The following CNGB1 variants were observed in gnomAD, a reference collection of about 807,000 sequenced individuals.
CNGB1 encodes cyclic nucleotide gated channel subunit beta 1.
In CNGB1, 126 loss-of-function variants were observed where a neutral mutation model predicts 151.7. The observed-to-expected ratio is 0.83, with a 90% CI of 0.72 to 0.96. CNGB1 has a LOEUF of 0.96. Ranked by LOEUF, CNGB1 falls within the 40% of genes least tolerant of loss-of-function variation. The pLI, the probability that CNGB1 is intolerant of heterozygous loss-of-function variation, is 0.00. For synonymous variants in CNGB1, 623 were observed against 635.1 expected, an observed-to-expected ratio of 0.98 and a Z score of 0.29; for missense variants, 1,698 against 1,627.0, an observed-to-expected ratio of 1.04 and a Z score of -0.75.
chr16:57,920,131 G>C (rs1221686746), intron 19 of CNGB1, among the ~76,000 whole-genome samples: 1 of 152,188 alleles, frequency 6.6e-6, no homozygotes, highest in African/African-American at 2.4e-5. Context: ...GGGACAGAAG[G>C]GTCAAGGAAG....
intron 29 of CNGB1, 123 bp from the exon 30 acceptor site, chr16:57,898,037 G>T: frequency 2.1e-6 from 2 of 941,894 alleles, no homozygotes; most frequent in South Asian, 1.3e-5. Context: ...GTCCAGCCCT[G>T]CCACCACAAC....
chr16:57,956,917 C>A (rs959567497), intron 12 of CNGB1, among the ~76,000 whole-genome samples: 1 of 152,208 alleles, frequency 6.6e-6, no homozygotes, highest in African/African-American at 2.4e-5. Context: ...CCCTCCAGCT[C>A]AAGGGAGCTG....
chr16:57,917,649 CAT>C (rs1491217046), intron 20 of CNGB1, among the ~76,000 whole-genome samples, 173 bp from the exon 21 acceptor site: 25 of 146,600 alleles, frequency 1.7e-4, no homozygotes, highest in Middle Eastern at 3.6e-3. Flanking sequence ...CACACACACA[CAT>C]ACACACACAC....
intron 16 of CNGB1, among the ~76,000 whole-genome samples, chr16:57,934,388 C>T (rs571665099): frequency 2.6e-4 from 39 of 152,052 alleles, no homozygotes; most frequent in African/African-American, 8.0e-4. Flanking sequence ...GAGTCAAGAT[C>T]GCGCCTACTA....
chr16:57,951,302 C>T (rs978677241), intron 12 of CNGB1, among the ~76,000 whole-genome samples: 10 of 152,042 alleles, frequency 6.6e-5, no homozygotes, highest in Non-Finnish European at 1.2e-4. Context: ...AGGTGTCCCC[C>T]GAAAGCTCCA....
In CNGB1 at chr16:57,939,598, GAGAATA is replaced by G; in HGVS notation, c.1210-12_1210-7del. Reference sequence around the variant, plus strand: ...CCAACTTCCTCCCACAGCTTCTGCAGAGAATAAAGTGAAAACAGAAACTGTGACCAT... The same window carrying G: ...CCAACTTCCTCCCACAGCTTCTGCAGAAGTGAAAACAGAAACTGTGACCAT... On this transcript the variant is annotated splice_region_variant and splice_polypyrimidine_tract_variant and intron_variant, in intron 15 of 32. Transcript: ENST00000251102. 1 of 1,614,168 alleles carries G rather than the reference GAGAATA, an allele frequency of 6.2e-7. No homozygotes were observed. The highest frequency in any genetic ancestry group is 8.5e-7 in the Non-Finnish European group (1 of 1,180,036).
rs1461377929 is a variant in CNGB1, at chr16:57,888,039, T to C, written c.3278A>G (p.Glu1093Gly). The C allele has an allele frequency of 1.2e-6, 2 of 1,614,070 alleles. No individual in the cohort carries two copies. Among genetic ancestry groups the C allele is most frequent in the Middle Eastern group, 1.6e-4 (1 of 6,062 alleles). Residue 1093 changes from glutamate to glycine, a missense_variant, in exon 32 of 33, where the codon GAG becomes GGG. Coordinates refer to ENST00000251102, the MANE Select transcript of CNGB1 (RefSeq NM_001297.5). The part of the protein sequence containing the change: ...MLRSNNKPKE[E>G]KSVLILPPRA... ...GGGTGGAAGGATCAGCACGCTCTTC[T>C]CCTCCTTGGGCTTATTGTTGCTTCT...
At chr16:57,923,470 G>A (rs1333516221) in intron 17 of CNGB1, 90 bp from the exon 18 acceptor site, 13 of 1,066,200 alleles carry the variant, frequency 1.2e-5, no homozygotes, top group Middle Eastern at 2.3e-4. Flanking sequence ...AGATCATCTA[G>A]AGCCAATTCC....
At chr16:57,957,224 CCT>C (rs1438520613) in intron 12 of CNGB1, 115 bp downstream of exon 12, 4 of 968,716 alleles carry the variant, frequency 4.1e-6, no homozygotes, top group Non-Finnish European at 6.7e-6. Flanking sequence ...TAACTGCCCC[CCT>C]GTGTGAGTCC....
Position 57,962,992 on chromosome 16 carries a change from G to A in CNGB1, c.363C>T (p.Ile121=). ...EKVIPQPVHS[I]TEDPAQILGH... is the part of the protein sequence containing the mutation. ...GCAGTACCTGAGCCGGGTCCTCCGT[G>A]ATGCTGTGAACAGGCTGCGGGATCA... Residue 121 remains isoleucine, a synonymous_variant, in exon 5 of 33, where the codon ATC becomes ATT. Coordinates refer to ENST00000251102, the MANE Select transcript of CNGB1 (RefSeq NM_001297.5). The A allele has an allele frequency of 6.2e-7, 1 of 1,613,486 alleles. No individual in the cohort carries two copies. The highest frequency in any genetic ancestry group is 8.5e-7 in the Non-Finnish European group (1 of 1,180,012).
At chr16:57,934,067 C>A (rs1490497236) in intron 16 of CNGB1, among the ~76,000 whole-genome samples, 3 of 152,036 alleles carry the variant, frequency 2.0e-5, no homozygotes, top group African/African-American at 7.2e-5. Flanking sequence ...AAAGCCGGCA[C>A]TCTGTTAAAT....
At chr16:57,921,147 GAC>G (rs1961021900) in intron 18 of CNGB1, among the ~76,000 whole-genome samples, 1 of 150,756 alleles carries the variant, frequency 6.6e-6, no homozygotes, top group African/African-American at 2.4e-5. Flanking sequence ...CATACATTAG[GAC>G]ACAGAAACTG....
rs913924631 is a variant in CNGB1 at position 57,897,279 on chromosome 16, G to A, written c.3242+118C>T. 9.1e-5 allele frequency: 103 copies of A among 1,129,344 alleles called. No individual in the cohort carries two copies. The South Asian group carries it at 1.2e-3, about 13-fold the overall frequency. 70.0% of individuals were successfully genotyped at this position (1,129,344 alleles called of 1,614,324 possible). ...ATCACTCCACTGCACTCCAGACTGG[G>A]TGACAGAGCAAGATGTCATCTCAAA... On this transcript the variant is annotated intron_variant, in intron 31 of 32. Transcript: ENST00000251102.
intron 17 of CNGB1, among the ~76,000 whole-genome samples, chr16:57,926,732 C>T (rs1364144316): frequency 2.0e-5 from 3 of 152,198 alleles, no homozygotes; most frequent in African/African-American, 7.2e-5. Flanking sequence ...GTAATCCCAA[C>T]ACTTTGGGAG....
chr16:57,934,665 T>G (rs1469043230), intron 16 of CNGB1, among the ~76,000 whole-genome samples: 3 of 151,404 alleles, frequency 2.0e-5, no homozygotes, highest in African/African-American at 7.3e-5. Context: ...AGAATAAGAA[T>G]GTTACTCCTG....
rs371646582 is a variant in CNGB1, at chr16:57,965,543, C to T, written c.160-999G>A. 3.3e-5 allele frequency among the ~76,000 whole-genome samples: 5 copies of T among 150,678 alleles called. No individual in the cohort carries two copies. In the South Asian group the frequency reaches 8.3e-4, roughly 25 times the overall value. ...TATTTGCACATACACAGAAGCATGTCCATATGGACATGCATATACACACAG... is the reference window on the plus strand; with the variant it reads ...TATTTGCACATACACAGAAGCATGTTCATATGGACATGCATATACACACAG... On this transcript the variant is annotated intron_variant, in intron 2 of 32. Coordinates refer to ENST00000251102, the MANE Select transcript of CNGB1 (RefSeq NM_001297.5).
rs71155213 is a variant in CNGB1, at chr16:57,882,799, CTTTTTTT to C, written c.*1358_*1364del. On this transcript the variant is annotated 3_prime_UTR_variant, in exon 33 of 33. Transcript: ENST00000251102. ...CCTTTTTTCTTTTTTTTTCTTTTTT[CTTTTTTT>C]TTTTTTGTCTGAATCATAAAAGCAA... 3 of 136,068 alleles carry C rather than the reference CTTTTTTT, an allele frequency of 2.2e-5. No individual in the cohort carries two copies. The highest frequency in any genetic ancestry group is 4.8e-5 in the Non-Finnish European group (3 of 62,958). The allele number at this position is 136,068 out of a possible 1,614,324, so 8.4% of individuals were successfully genotyped here.
intron 31 of CNGB1, among the ~76,000 whole-genome samples, chr16:57,893,860 C>T (rs1288377095): frequency 6.6e-6 from 1 of 152,110 alleles, no homozygotes; most frequent in East Asian, 1.9e-4. Context: ...CTTTATTTTA[C>T]ATAGGAGACA....
At chr16:57,938,573 C>T (rs1461236051) in intron 16 of CNGB1, among the ~76,000 whole-genome samples, 9 of 152,156 alleles carry the variant, frequency 5.9e-5, no homozygotes, top group Admixed American at 4.6e-4. Context: ...AGACAGGTCA[C>T]AGAACTGGCT....
Sources: gnomAD v4.1 joint callset for allele counts (sites outside exome capture counted in the v4.1 genomes callset) on GRCh38, gnomAD v4.1.1 for gene constraint, MANE v1.5 for transcripts, NCBI Gene and HGNC (gene_info 2026-07-23, HGNC 2026-07-21) for gene names.